DMXL2: variants seen among roughly 807,000 people sequenced by gnomAD.
The protein encoded by DMXL2 is dmX-like protein 2.
A neutral mutation model predicts 331.1 loss-of-function variants in DMXL2; 103 were observed. The observed-to-expected ratio is 0.31, with a 90% CI of 0.27 to 0.37. The LOEUF (loss-of-function observed/expected upper bound fraction) is 0.37, where lower values mean the gene tolerates loss of function less well. Ranked by LOEUF, DMXL2 falls within the 10% of genes least tolerant of loss-of-function variation. DMXL2 has a pLI of 1.00. For synonymous variants in DMXL2, 1,281 were observed against 1,252.1 expected (o/e 1.02, Z -0.49); for missense variants, 3,171 against 3,642.9 (o/e 0.87, Z 3.33).
At chr15:51,486,025 A>C in intron 23 of DMXL2, 48 bp downstream of exon 23, 1 of 1,513,150 alleles carries the variant, frequency 6.6e-7, no homozygotes, top group South Asian at 1.3e-5. Context: ...TTCAGAAAGT[A>C]TCTCTTCCTT....
chr15:51,572,925 G>T (rs2141110419), intron 2 of DMXL2, among the ~76,000 whole-genome samples: 1 of 152,348 alleles, frequency 6.6e-6, no homozygotes, highest in African/African-American at 2.4e-5. Context: ...AGTACTGGAA[G>T]TTCTGGCCAG....
chr15:51,478,694 A>C lies in DMXL2; in HGVS notation c.6757-347T>G, dbSNP rs900709958. On this transcript the variant is annotated intron_variant, in intron 25 of 43. Coordinates refer to ENST00000560891, the MANE Select transcript of DMXL2 (RefSeq NM_001378457.1). The stretch of plus-strand genomic sequence containing the variant: ...AATATTTAAAAAAAAGCAGAAGAAA[A>C]TAAGAATAGAATTTTCAGAGTTTTT... Among the ~76,000 whole-genome samples, 3 of 152,186 alleles carry C rather than the reference A, an allele frequency of 2.0e-5. No homozygotes were observed. The South Asian group carries it at 6.2e-4, about 31-fold the overall frequency.
Position 51,450,270 on chromosome 15 carries a change from C to A in DMXL2, c.8826G>T (p.Arg2942Ser), listed in dbSNP as rs770446727. 2 of 1,613,946 alleles carry A rather than the reference C, an allele frequency of 1.2e-6. No individual in the cohort carries two copies. The highest frequency in any genetic ancestry group is 1.7e-6 in the Non-Finnish European group (2 of 1,179,960). The stretch of plus-strand genomic sequence containing the variant: ...TGTCAAAAATGCAGACGTGTCCTTT[C>A]CTACCCCCCGAGATTAGGAGTTGCT... ...PKQQLLISGGRKGHVCIFDIR... is the reference protein window; with the variant it reads ...PKQQLLISGGSKGHVCIFDIR... The change falls in exon 43 of 44, where the codon AGG becomes AGT. Residue 2942 changes from arginine (R) to serine (S), a missense_variant. By Grantham distance (110) the Arg-to-Ser change is moderately radical. This residue lies in a region of DMXL2 where 766 missense variants were observed against 940.5 expected (regional missense o/e 0.81). Transcript: ENST00000560891.
intron 3 of DMXL2, among the ~76,000 whole-genome samples, chr15:51,566,101 T>C (rs551264621): frequency 6.8e-4 from 104 of 152,114 alleles, no homozygotes; most frequent in African/African-American, 2.5e-3. Context: ...CCCAGCTACT[T>C]TGGAGGCTGA....
intron 13 of DMXL2, 126 bp from the exon 14 acceptor site, chr15:51,517,293 T>G: frequency 3.1e-6 from 2 of 643,572 alleles, no homozygotes; most frequent in Non-Finnish European, 5.5e-6. Flanking sequence ...ATGTAATACA[T>G]TCAAAGAAAT....
chr15:51,514,530 C>T lies in DMXL2; in HGVS notation c.2556G>A (p.Val852=), dbSNP rs1369136061. The change falls in exon 15 of 44, where the codon GTG becomes GTA. Residue 852 remains valine (V), a synonymous_variant. Transcript: ENST00000560891. The part of the protein sequence containing the change: ...QCGSNTQLLH[V]FQEDFIIGYK... The stretch of plus-strand genomic sequence containing the variant: ...ATCCTATAATGAAGTCTTCTTGAAA[C>T]ACATGAAGCAACTGTGTATTTGAGC... 1 of 1,591,622 alleles carries T rather than the reference C, an allele frequency of 6.3e-7. No individual in the cohort carries two copies.
chr15:51,587,638 T>C (rs1363105198), intron 1 of DMXL2, among the ~76,000 whole-genome samples: 1 of 152,250 alleles, frequency 6.6e-6, no homozygotes, highest in African/African-American at 2.4e-5. Context: ...TACGTGTGCA[T>C]GTGTCTTTAT....
intron 1 of DMXL2, among the ~76,000 whole-genome samples, chr15:51,590,521 A>G (rs1433142622): frequency 6.6e-6 from 1 of 152,138 alleles, no homozygotes; most frequent in Admixed American, 6.5e-5. Context: ...TCCTTACAAT[A>G]AATTTCCCAT....
At chr15:51,485,692 T>C (rs2042342180) in intron 23 of DMXL2, among the ~76,000 whole-genome samples, 1 of 152,204 alleles carries the variant, frequency 6.6e-6, no homozygotes, top group Non-Finnish European at 1.5e-5. Context: ...AAATATCCTT[T>C]AAGTGCTTGT....
At chr15:51,551,147 T>G (rs1267069990) in intron 6 of DMXL2, among the ~76,000 whole-genome samples, 1 of 151,968 alleles carries the variant, frequency 6.6e-6, no homozygotes, top group Non-Finnish European at 1.5e-5. Flanking sequence ...CCAAAGTTAC[T>G]TTCTGTTCTT....
In DMXL2 at chr15:51,524,196, T is replaced by C. The variant is rs1364502426; in HGVS notation, c.2437-7029A>G. ...AACAGGACGCTTGGAAGCTAAATCT[T>C]ACACTTCTAAGTAATCGAGGGTCGA... On this transcript the variant is annotated intron_variant, in intron 13 of 43. Transcript: ENST00000560891. 3.9e-5 allele frequency among the ~76,000 whole-genome samples: 6 copies of C among 152,234 alleles called. No homozygotes were observed. In the South Asian group the frequency reaches 1.2e-3, roughly 32 times the overall value.
intron 19 of DMXL2, among the ~76,000 whole-genome samples, chr15:51,493,708 T>A (rs1352161219): frequency 6.6e-6 from 1 of 152,184 alleles, no homozygotes; most frequent in Non-Finnish European, 1.5e-5. Context: ...AAATTTGAAG[T>A]GTTTTAGACT....
chr15:51,595,148 A>T (rs200098917), intron 1 of DMXL2, among the ~76,000 whole-genome samples: 1,371 of 135,366 alleles, frequency 0.01, no homozygotes, highest in African/African-American at 0.018. Context: ...TTTGCAGATG[A>T]CATGATTGTA....
intron 1 of DMXL2, among the ~76,000 whole-genome samples, 199 bp from the exon 2 acceptor site, chr15:51,576,380 T>C (rs1386886031): frequency 6.6e-6 from 1 of 152,106 alleles, no homozygotes; most frequent in Non-Finnish European, 1.5e-5. Context: ...TGACACTCCA[T>C]GCATTATCAT....
At chr15:51,477,245 A>G (rs1225026304) in intron 26 of DMXL2, among the ~76,000 whole-genome samples, 1 of 152,078 alleles carries the variant, frequency 6.6e-6, no homozygotes, top group African/African-American at 2.4e-5. Flanking sequence ...TTCCCTCTCT[A>G]TAATGGCTAT....
At chr15:51,527,745 C>T (rs968897952) in intron 13 of DMXL2, among the ~76,000 whole-genome samples, 14 of 151,014 alleles carry the variant, frequency 9.3e-5, no homozygotes, top group Admixed American at 8.6e-4. Flanking sequence ...AAGAAGTCAT[C>T]TGAAGGTACA....
chr15:51,521,418 T>TAGC (rs1423547193), intron 13 of DMXL2, among the ~76,000 whole-genome samples: 1 of 74,482 alleles, frequency 1.3e-5, no homozygotes, highest in African/African-American at 5.7e-5. Flanking sequence ...AGTTTGCTAG[T>TAGC]AGTAGTAGTA....
intron 14 of DMXL2, among the ~76,000 whole-genome samples, chr15:51,514,930 T>C (rs1392978885): frequency 6.6e-6 from 1 of 151,786 alleles, no homozygotes; most frequent in African/African-American, 2.4e-5. Flanking sequence ...CACAACTGAC[T>C]AGGGAGGGCT....
intron 18 of DMXL2, among the ~76,000 whole-genome samples, chr15:51,496,799 G>C (rs2043214184): frequency 1.3e-5 from 2 of 152,146 alleles, no homozygotes; most frequent in Non-Finnish European, 2.9e-5. Flanking sequence ...GCAGAGTCAA[G>C]AATGACTGTA....
Sources: gnomAD v4.1 joint callset for allele counts (sites outside exome capture counted in the v4.1 genomes callset) on GRCh38, gnomAD v4.1.1 for gene constraint, gnomAD v4.1.1 regional missense constraint, MANE v1.5 for transcripts, NCBI Gene and HGNC (gene_info 2026-07-23, HGNC 2026-07-21) for gene names.